The following EFTUD2 variants were observed in gnomAD, a reference collection of about 807,000 sequenced individuals.
The protein encoded by EFTUD2 is elongation factor Tu GTP binding domain containing 2.
A neutral mutation model predicts 114.3 loss-of-function variants in EFTUD2; 9 were observed. That is an observed-to-expected ratio of 0.08 (90% CI 0.05 to 0.14). The LOEUF (loss-of-function observed/expected upper bound fraction) is 0.14, where lower values mean the gene tolerates loss of function less well. EFTUD2 is among the 10% of genes least tolerant of loss of function. The probability of loss-of-function intolerance (pLI) is 1.00; values close to 1 mark genes in which losing one functional copy is unlikely to be tolerated. For missense variants in EFTUD2, 765 were observed against 1,241.2 expected (o/e 0.62, Z 5.76); for synonymous variants, 449 against 462.3 (o/e 0.97, Z 0.37).
In EFTUD2 at chr17:44,859,167, G is replaced by C. The variant is rs774829944; in HGVS notation, c.1875C>G (p.Gly625=). 2 of 1,613,054 alleles carry C rather than the reference G, an allele frequency of 1.2e-6. No homozygotes were observed. Among genetic ancestry groups the C allele is most frequent in the Non-Finnish European group, 1.7e-6 (2 of 1,179,048 alleles). Residue 625 remains glycine, a synonymous_variant, in exon 19 of 28, where the codon GGC becomes GGG. Transcript: ENST00000426333. ...PSLTTKVEES[G]EHVILGTGEL... ...CCCCAGTGCCCAGGATCACATGCTC[G>C]CCAGACTCCTCCACCTGAAACACAA... is the stretch of plus-strand genomic sequence containing the variant.
At position 44,850,126 on chromosome 17, in the gene EFTUD2, A is replaced by C. The variant is rs1167422531; in HGVS notation, c.*1148T>G. 2 of 530,220 alleles carry C rather than the reference A, an allele frequency of 3.8e-6. No homozygotes were observed. The highest frequency in any genetic ancestry group is 1.9e-5 in the African/African-American group (1 of 53,000). 32.8% of individuals were successfully genotyped at this position (530,220 alleles called of 1,614,324 possible). On this transcript the variant is annotated 3_prime_UTR_variant, in exon 28 of 28. Transcript: ENST00000426333. ...TTCTCAGATACACAATACATGTGAAAGTGTTTCGTGAACTGTCAGATAAGT... is the reference window on the plus strand; with the variant it reads ...TTCTCAGATACACAATACATGTGAACGTGTTTCGTGAACTGTCAGATAAGT...
At chr17:44,867,198 G>A (rs2050761563) in intron 13 of EFTUD2, among the ~76,000 whole-genome samples, 1 of 152,042 alleles carries the variant, frequency 6.6e-6, no homozygotes, top group South Asian at 2.1e-4. Flanking sequence ...TAACTGAAAT[G>A]ATTAGTTCTA....
At chr17:44,863,135 C>A (rs2050687816) in intron 15 of EFTUD2, 4 of 411,614 alleles carry the variant, frequency 9.7e-6, no homozygotes, top group Admixed American at 4.0e-5. Flanking sequence ...AGGATAAGGG[C>A]ATTGAGGAAG....
In EFTUD2 at chr17:44,857,137, C is replaced by T. The variant is rs147121628; in HGVS notation, c.1983G>A (p.Thr661=). 6.6e-5 allele frequency: 107 copies of T among 1,613,900 alleles called. No individual in the cohort carries two copies. The highest frequency in any genetic ancestry group is 1.5e-4 in the African/African-American group (11 of 75,038). The stretch of plus-strand genomic sequence containing the variant: ...ATGTTTCCACCACCGTCTCACAAAA[C>T]GTGACAACTGGGTCAGCCACCTGGG... ...IDIKVADPVV[T]FCETVVETSS... Residue 661 remains threonine (T), a synonymous_variant, in exon 20 of 28, where the codon ACG becomes ACA. Coordinates refer to ENST00000426333, the MANE Select transcript of EFTUD2 (RefSeq NM_004247.4).
At chr17:44,879,329 A>C (rs1019440604) in intron 9 of EFTUD2, among the ~76,000 whole-genome samples, 2 of 152,038 alleles carry the variant, frequency 1.3e-5, no homozygotes, top group Non-Finnish European at 2.9e-5. Flanking sequence ...CAGGTGATCC[A>C]CCCACCTCAG....
chr17:44,882,083 C>A (rs948414623), intron 6 of EFTUD2, among the ~76,000 whole-genome samples: 1 of 152,036 alleles, frequency 6.6e-6, no homozygotes, highest in African/African-American at 2.4e-5. Context: ...TGCAGACGTG[C>A]GCCACCATGC....
At chr17:44,860,209 G>A in intron 17 of EFTUD2, 164 bp from the exon 18 acceptor site, 1 of 962,340 alleles carries the variant, frequency 1.0e-6, no homozygotes, top group Non-Finnish European at 1.6e-6. Flanking sequence ...TTCTTCCCAG[G>A]TATTCTGGCA....
intron 9 of EFTUD2, among the ~76,000 whole-genome samples, chr17:44,877,129 G>A (rs1239456592): frequency 6.6e-6 from 1 of 151,996 alleles, no homozygotes; most frequent in Non-Finnish European, 1.5e-5. Context: ...CCAGGAGCTC[G>A]AGGCTGCTGT....
chr17:44,852,330 T>C, intron 26 of EFTUD2, 79 bp downstream of exon 26: 1 of 1,572,760 alleles, frequency 6.4e-7, no homozygotes, highest in Non-Finnish European at 8.7e-7. Context: ...ACTTAGGGCT[T>C]GGAGAGGGAT....
At chr17:44,892,580 G>A (rs1233118015) in intron 2 of EFTUD2, among the ~76,000 whole-genome samples, 2 of 146,848 alleles carry the variant, frequency 1.4e-5, no homozygotes, top group East Asian at 2.1e-4. Context: ...GTTTGAATGA[G>A]AATGTATTCA....
chr17:44,893,609 A>C (rs1193473311), intron 2 of EFTUD2, among the ~76,000 whole-genome samples: 5 of 152,230 alleles, frequency 3.3e-5, no homozygotes, highest in African/African-American at 1.2e-4. Flanking sequence ...TCATCAATGA[A>C]ACTACATATT....
intron 15 of EFTUD2, 72 bp downstream of exon 15, chr17:44,863,583 G>C (rs149607126): frequency 1.9e-6 from 3 of 1,561,970 alleles, no homozygotes; most frequent in Non-Finnish European, 2.6e-6. Flanking sequence ...TTACTCCTGT[G>C]ACCAGAAATC....
intron 10 of EFTUD2, among the ~76,000 whole-genome samples, chr17:44,873,897 A>G (rs7214846): frequency 0.26 from 39,004 of 149,744 alleles, 5,217 homozygotes; most frequent in Non-Finnish European, 0.28. Flanking sequence ...AAGCCCGGCT[A>G]ATTTTTTTTG....
chr17:44,885,519 C>G (rs533026416), intron 3 of EFTUD2, among the ~76,000 whole-genome samples, 185 bp from the exon 4 acceptor site: 95 of 150,502 alleles, frequency 6.3e-4, no homozygotes, highest in South Asian at 1.9e-3. Context: ...AGTGAAGGAC[C>G]TTGAATTGTG....
chr17:44,881,632 C>T, intron 7 of EFTUD2, 55 bp downstream of exon 7: 1 of 1,592,684 alleles, frequency 6.3e-7, no homozygotes. Flanking sequence ...CCCTACAAAA[C>T]TATTACTGGT....
At chr17:44,878,292 C>A (rs1221001495) in intron 9 of EFTUD2, among the ~76,000 whole-genome samples, 1 of 152,162 alleles carries the variant, frequency 6.6e-6, no homozygotes, top group African/African-American at 2.4e-5. Context: ...AGAGCTTAAT[C>A]ACGAGGAAGT....
At chr17:44,862,453 T>TA (rs550554657) in intron 16 of EFTUD2, among the ~76,000 whole-genome samples, 37 of 147,706 alleles carry the variant, frequency 2.5e-4, no homozygotes, top group Middle Eastern at 3.4e-3. Flanking sequence ...CAAATAGGGC[T>TA]AAAAAAAAAA....
intron 16 of EFTUD2, among the ~76,000 whole-genome samples, chr17:44,860,868 G>A (rs2050644678): frequency 6.6e-6 from 1 of 152,038 alleles, no homozygotes; most frequent in Non-Finnish European, 1.5e-5. Context: ...CAAAGTGCTA[G>A]GATTACAGGT....
In EFTUD2 at chr17:44,875,297, G is replaced by A. The variant is rs565392070; in HGVS notation, c.869+637C>T. Among the ~76,000 whole-genome samples the A allele has an allele frequency of 1.2e-4, 18 of 152,274 alleles. No individual in the cohort carries two copies. The East Asian group carries it at 2.1e-3, about 18-fold the overall frequency. On this transcript the variant is annotated intron_variant, in intron 10 of 27. Coordinates refer to ENST00000426333, the MANE Select transcript of EFTUD2 (RefSeq NM_004247.4). ...TGTAATCCCAGCACTTTGGGAGGCCGAGGTGGGCGGATCACGAGCTCAGAA... is the reference window on the plus strand; with the variant it reads ...TGTAATCCCAGCACTTTGGGAGGCCAAGGTGGGCGGATCACGAGCTCAGAA...
Sources: gnomAD v4.1 joint callset for allele counts (sites outside exome capture counted in the v4.1 genomes callset) on GRCh38, gnomAD v4.1.1 for gene constraint, MANE v1.5 for transcripts, NCBI Gene and HGNC (gene_info 2026-07-23, HGNC 2026-07-21) for gene names.